The following ATP11C variants were observed in gnomAD, a reference collection of about 807,000 sequenced individuals.
ATP11C encodes phospholipid-transporting ATPase IG.
Under a neutral mutation model 97.4 loss-of-function variants are expected in ATP11C, and 36 were observed. The observed-to-expected ratio is 0.37, with a 90% confidence interval of 0.28 to 0.49. The LOEUF (loss-of-function observed/expected upper bound fraction) is 0.49. Among genes scored for constraint, ATP11C ranks in the 20% least tolerant of loss-of-function variants. The probability of loss-of-function intolerance (pLI) is 0.98; values close to 1 mark genes in which losing one functional copy is unlikely to be tolerated. For synonymous variants in ATP11C, 275 were observed against 290.9 expected, an observed-to-expected ratio of 0.95 and a Z score of 0.56; for missense variants, 730 against 824.6, an observed-to-expected ratio of 0.89 and a Z score of 1.40.
intron 6 of ATP11C, among the ~76,000 whole-genome samples, 198 bp downstream of exon 6, chrX:139,804,273 C>T (rs750911799): frequency 1.5e-4 from 17 of 110,856 alleles, no homozygotes; most frequent in African/African-American, 4.9e-4. Context: ...TTTTTCCACA[C>T]GTAATTACCA....
chrX:139,932,080 C>G lies in ATP11C; in HGVS notation c.-38G>C, dbSNP rs371148529. 2 of 1,135,273 alleles carry G rather than the reference C, an allele frequency of 1.8e-6. No homozygotes were observed. The highest frequency in any genetic ancestry group is 5.4e-5 in the Admixed American group (2 of 37,263). 93.6% of individuals were successfully genotyped at this position (1,135,273 alleles called of 1,213,427 possible). On this transcript the variant is annotated 5_prime_UTR_variant, in exon 1 of 30. Coordinates refer to ENST00000682941, the MANE Select transcript of ATP11C (RefSeq NM_001353812.2). ...TGCCGGGCGCTGAGCTGGGCTCTAC[C>G]GGGCTGTCTGGGAAGGCGCCGTCCA...
At chrX:139,796,527 T>A (rs1025377896) in intron 11 of ATP11C, 57 bp from the exon 12 acceptor site, 1 of 767,184 alleles carries the variant, frequency 1.3e-6, no homozygotes, top group South Asian at 2.9e-5. Flanking sequence ...CAGACCAATA[T>A]AATATAAAGG....
chrX:139,780,445 A>G (rs2082428532), intron 18 of ATP11C, among the ~76,000 whole-genome samples: 2 of 111,106 alleles, frequency 1.8e-5, no homozygotes, highest in South Asian at 7.6e-4. Flanking sequence ...ATTAAAACAA[A>G]AATTATATGA....
chrX:139,768,200 A>T lies in ATP11C; in HGVS notation c.2391+60T>A, dbSNP rs763101806. 9.3e-6 allele frequency: 8 copies of T among 855,728 alleles called. No individual in the cohort carries two copies. In the South Asian group the frequency reaches 4.4e-4, roughly 47 times the overall value. 70.5% of individuals were successfully genotyped at this position (855,728 alleles called of 1,213,427 possible). ...GAAATAATTTTTTAAAAAAATAAAC[A>T]TTTGCACATATATGTATAGAAGTAT... is the stretch of plus-strand genomic sequence containing the variant. On this transcript the variant is annotated intron_variant, in intron 20 of 29. Coordinates refer to ENST00000682941, the MANE Select transcript of ATP11C (RefSeq NM_001353812.2).
chrX:139,738,689 T>C, intron 27 of ATP11C, among the ~76,000 whole-genome samples: 1 of 111,279 alleles, frequency 9.0e-6, no homozygotes, highest in Non-Finnish European at 1.9e-5. Context: ...GGAACCCCCA[T>C]TCTGGAGTTA....
intron 28 of ATP11C, among the ~76,000 whole-genome samples, chrX:139,737,261 A>G (rs775238394): frequency 2.7e-5 from 3 of 111,805 alleles, no homozygotes; most frequent in African/African-American, 9.7e-5. Context: ...TGTTTAAAAG[A>G]TATCATAATG....
chrX:139,868,713 C>A (rs2084323678), intron 1 of ATP11C, among the ~76,000 whole-genome samples: 1 of 106,062 alleles, frequency 9.4e-6, no homozygotes, highest in Non-Finnish European at 1.9e-5. Context: ...GGTGACAGAG[C>A]CAGACTCCGT....
At chrX:139,882,257 T>C (rs756855266) in intron 1 of ATP11C, among the ~76,000 whole-genome samples, 1 of 111,958 alleles carries the variant, frequency 8.9e-6, no homozygotes, top group African/African-American at 3.2e-5. Context: ...TTCTGAGATT[T>C]TCCTTCAATG....
chrX:139,791,724 C>T (rs1462501471), intron 12 of ATP11C, among the ~76,000 whole-genome samples: 2 of 110,559 alleles, frequency 1.8e-5, no homozygotes, highest in African/African-American at 6.6e-5. Context: ...AGGAGTAGAT[C>T]GACTGTAATT....
At chrX:139,918,468 T>G (rs1040949905) in intron 1 of ATP11C, among the ~76,000 whole-genome samples, 2 of 100,714 alleles carry the variant, frequency 2.0e-5, no homozygotes, top group Non-Finnish European at 3.9e-5. Context: ...AAAAATTAGC[T>G]GGGCATAGTG....
At position 139,728,855 on chromosome X, in the gene ATP11C, C is replaced by T. The variant is rs751009695; in HGVS notation, c.*111G>A. ...GTTTAGTGTGTTGCGTATCAAGTAT[C>T]CTGAGATGATAACTTTTTGTAGTTG... On this transcript the variant is annotated 3_prime_UTR_variant, in exon 30 of 30. Transcript: ENST00000682941. The T allele has an allele frequency of 9.5e-7, 1 of 1,054,126 alleles. No homozygotes were observed. Among genetic ancestry groups the T allele is most frequent in the South Asian group, 1.9e-5 (1 of 51,428 alleles). 86.9% of individuals were successfully genotyped at this position (1,054,126 alleles called of 1,213,427 possible).
intron 5 of ATP11C, 76 bp from the exon 6 acceptor site, chrX:139,804,675 A>C (rs1254528987): frequency 2.4e-6 from 2 of 839,291 alleles, no homozygotes; most frequent in Non-Finnish European, 3.4e-6. Context: ...AAGTCAAAAC[A>C]TTAGCAAGAG....
rs2085459819 is a variant in ATP11C, at chrX:139,932,598, C to T, written c.-556G>A. ...CCTCAGCCCGACACTACTCCCCTGT[C>T]TCTGTCGGGAGCCACAGCCTCCCTC... On this transcript the variant is annotated 5_prime_UTR_variant, in exon 1 of 30. Transcript: ENST00000682941. The T allele has an allele frequency of 2.7e-5, 3 of 111,817 alleles. No homozygotes were observed. The highest frequency in any genetic ancestry group is 9.7e-5 in the African/African-American group (3 of 30,817). The allele number at this position is 111,817 out of a possible 1,213,427, so 9.2% of individuals were successfully genotyped here.
At chrX:139,811,288 T>C (rs1381241608) in intron 5 of ATP11C, among the ~76,000 whole-genome samples, 1 of 111,637 alleles carries the variant, frequency 9.0e-6, no homozygotes. Context: ...TCATACGGTA[T>C]GTACAGACTG....
intron 18 of ATP11C, among the ~76,000 whole-genome samples, chrX:139,777,471 TA>T (rs1212502138): frequency 1.0e-3 from 105 of 100,564 alleles, no homozygotes; most frequent in East Asian, 4.6e-3. Context: ...TCCAGTCAGA[TA>T]AAAAAAAAAA....
intron 2 of ATP11C, among the ~76,000 whole-genome samples, chrX:139,820,569 G>A (rs2083387127): frequency 9.1e-6 from 1 of 110,284 alleles, no homozygotes; most frequent in African/African-American, 3.3e-5. Flanking sequence ...AGCTGGGAAG[G>A]TGTATACACA....
chrX:139,728,940 A>G lies in ATP11C; in HGVS notation c.*26T>C, dbSNP rs147813784. 5 of 1,201,245 alleles carry G rather than the reference A, an allele frequency of 4.2e-6. No individual in the cohort carries two copies. Among genetic ancestry groups the G allele is most frequent in the Non-Finnish European group, 5.6e-6 (5 of 888,534 alleles). ...GTCAGTATGCTTGTAGGACAATAAC[A>G]TAGGCAGTTCAAGATTCGGATTCTG... On this transcript the variant is annotated 3_prime_UTR_variant, in exon 30 of 30. Transcript: ENST00000682941.
intron 1 of ATP11C, among the ~76,000 whole-genome samples, chrX:139,907,067 C>T (rs2084991838): frequency 9.0e-6 from 1 of 111,291 alleles, no homozygotes; most frequent in South Asian, 3.8e-4. Context: ...AAAACTGCAA[C>T]CCTCACCCCT....
chrX:139,811,444 A>G (rs951816942), intron 5 of ATP11C, among the ~76,000 whole-genome samples: 1 of 111,789 alleles, frequency 8.9e-6, no homozygotes, highest in Non-Finnish European at 1.9e-5. Flanking sequence ...CTCTGTCCCT[A>G]AATCTGTTTT....
Sources: gnomAD v4.1 joint callset for allele counts (sites outside exome capture counted in the v4.1 genomes callset) on GRCh38, gnomAD v4.1.1 for gene constraint, MANE v1.5 for transcripts, NCBI Gene and HGNC (gene_info 2026-07-23, HGNC 2026-07-21) for gene names.